CSMD2: variants seen among roughly 807,000 people sequenced by gnomAD.
CSMD2 encodes the protein CUB and Sushi multiple domains 2.
In CSMD2, 130 loss-of-function variants were observed where a neutral mutation model predicts 398.5. The ratio of observed to expected loss-of-function variants is 0.33; its 90% CI spans 0.28 to 0.38. CSMD2 has a LOEUF of 0.38. Among genes scored for constraint, CSMD2 ranks in the 10% least tolerant of loss-of-function variants. The probability of loss-of-function intolerance (pLI) is 1.00; values close to 1 mark genes in which losing one functional copy is unlikely to be tolerated. For synonymous variants in CSMD2, 1,828 were observed against 1,908.5 expected, an observed-to-expected ratio of 0.96 and a Z score of 1.10; for missense variants, 3,829 against 4,764.9, an observed-to-expected ratio of 0.80 and a Z score of 5.78.
chr1:33,537,846 C>T lies in CSMD2; in HGVS notation c.9632-237G>A, dbSNP rs1209435420. Among the ~76,000 whole-genome samples, 2 of 152,220 alleles carry T rather than the reference C, an allele frequency of 1.3e-5. No individual in the cohort carries two copies. Among genetic ancestry groups the T allele is most frequent in the African/African-American group, 4.8e-5 (2 of 41,448 alleles). On this transcript the variant is annotated intron_variant, in intron 60 of 70. Coordinates refer to ENST00000373381, the MANE Select transcript of CSMD2 (RefSeq NM_001281956.2). The surrounding 1 kb of genome is among the most constrained non-coding windows in gnomAD (Gnocchi z 4.6). The stretch of plus-strand genomic sequence containing the variant: ...AATAATGATCCAAGTAATGGAGTAA[C>T]ATTACAGGAAGTTTAGAACATGAAA...
At chr1:33,675,272 G>A (rs1343937479) in intron 25 of CSMD2, among the ~76,000 whole-genome samples, 2 of 151,928 alleles carry the variant, frequency 1.3e-5, no homozygotes, top group African/African-American at 2.4e-5. Context: ...AATGATAAAG[G>A]GGATATCACC....
intron 3 of CSMD2, among the ~76,000 whole-genome samples, chr1:34,031,902 G>A (rs1190039744): frequency 2.0e-5 from 3 of 151,870 alleles, no homozygotes; most frequent in Non-Finnish European, 4.4e-5. Flanking sequence ...TAACAGTGCA[G>A]GTCTTAGCCA....
At chr1:33,639,164 G>T (rs1271319048) in intron 29 of CSMD2, among the ~76,000 whole-genome samples, 2 of 152,174 alleles carry the variant, frequency 1.3e-5, no homozygotes, top group African/African-American at 2.4e-5. Context: ...ATCTTGGATC[G>T]GAGATAACGT....
At chr1:33,676,490 C>A (rs1278750127) in intron 25 of CSMD2, among the ~76,000 whole-genome samples, 1 of 152,218 alleles carries the variant, frequency 6.6e-6, no homozygotes, top group East Asian at 1.9e-4. Context: ...ACATTCCATG[C>A]TCATGGGTAG....
intron 11 of CSMD2, among the ~76,000 whole-genome samples, chr1:33,791,089 A>C (rs74817145): frequency 0.022 from 3,333 of 152,214 alleles, 121 homozygotes; most frequent in African/African-American, 0.077. Flanking sequence ...ACACCCAGAA[A>C]AGAACAGCCT....
At chr1:33,853,128 C>T (rs755924673) in intron 5 of CSMD2, among the ~76,000 whole-genome samples, 35 of 152,292 alleles carry the variant, frequency 2.3e-4, no homozygotes, top group Non-Finnish European at 4.6e-4. Context: ...CATTTATTTG[C>T]CAATCAGTTT....
At chr1:33,881,090 A>G (rs1641206620) in intron 5 of CSMD2, among the ~76,000 whole-genome samples, 2 of 152,212 alleles carry the variant, frequency 1.3e-5, no homozygotes, top group Non-Finnish European at 2.9e-5. Context: ...TGTACCCATA[A>G]GCAACACATT....
chr1:33,990,486 C>A (rs1037289663), intron 3 of CSMD2, among the ~76,000 whole-genome samples: 1 of 152,068 alleles, frequency 6.6e-6, no homozygotes, highest in African/African-American at 2.4e-5. Flanking sequence ...ATTACTCTCC[C>A]CTCACCCCAC....
rs1419268594 is a variant in CSMD2, at chr1:33,792,417, AC to A, written c.1550+5del. The A allele has an allele frequency of 1.2e-6, 2 of 1,606,398 alleles. No homozygotes were observed. Among genetic ancestry groups the A allele is most frequent in the African/African-American group, 2.7e-5 (2 of 74,658 alleles). ...CCTTCCAAACAACATGCCCCACTGC[AC>A]TTACATGTAGAGAACTGTCTTCTGG... On this transcript the variant is annotated splice_donor_5th_base_variant and intron_variant, in intron 11 of 70. Coordinates refer to ENST00000373381, the MANE Select transcript of CSMD2 (RefSeq NM_001281956.2).
intron 3 of CSMD2, among the ~76,000 whole-genome samples, chr1:34,000,709 T>C (rs779631386): frequency 8.9e-4 from 135 of 152,126 alleles, no homozygotes; most frequent in Non-Finnish European, 1.5e-3. Flanking sequence ...ATGGAACACA[T>C]AGACCTCAGA....
intron 1 of CSMD2, among the ~76,000 whole-genome samples, chr1:34,095,579 T>C (rs1463651468): frequency 3.3e-5 from 5 of 151,876 alleles, no homozygotes; most frequent in African/African-American, 1.2e-4. Flanking sequence ...AAAGGGGATA[T>C]CACCACTGAT....
At chr1:34,054,783 T>C (rs879425183) in intron 2 of CSMD2, among the ~76,000 whole-genome samples, 3 of 152,164 alleles carry the variant, frequency 2.0e-5, no homozygotes, top group Non-Finnish European at 4.4e-5. Flanking sequence ...TCAAACATTA[T>C]TGGAGCTGGT....
At chr1:33,706,210 T>C (rs946959119) in intron 22 of CSMD2, among the ~76,000 whole-genome samples, 3 of 152,200 alleles carry the variant, frequency 2.0e-5, no homozygotes, top group Non-Finnish European at 2.9e-5. Flanking sequence ...ATTCGTGCTA[T>C]GTTATTTGGC....
intron 55 of CSMD2, among the ~76,000 whole-genome samples, chr1:33,554,778 C>T (rs544383721): frequency 6.6e-6 from 1 of 152,264 alleles, no homozygotes; most frequent in African/African-American, 2.4e-5. Context: ...TTGAGACCTA[C>T]TGCTCAGAAA....
chr1:33,939,863 G>T (rs140010195), intron 3 of CSMD2, among the ~76,000 whole-genome samples: 84 of 152,298 alleles, frequency 5.5e-4, no homozygotes, highest in African/African-American at 1.9e-3. Context: ...TCAAATCCCC[G>T]ATCTGGCTGC....
chr1:34,087,612 T>TATAATA (rs71717621), intron 2 of CSMD2, among the ~76,000 whole-genome samples: 8,441 of 138,218 alleles, frequency 0.061, 293 homozygotes, highest in Non-Finnish European at 0.07. Context: ...GAACTTAAAG[T>TATAATA]ATAATAATAA....
At chr1:33,659,568 A>G (rs1488877778) in intron 26 of CSMD2, among the ~76,000 whole-genome samples, 1 of 152,234 alleles carries the variant, frequency 6.6e-6, no homozygotes, top group East Asian at 1.9e-4. Flanking sequence ...ACAAGGTAAA[A>G]TTCATATTAG....
intron 3 of CSMD2, among the ~76,000 whole-genome samples, chr1:33,962,903 C>G (rs1044213254): frequency 2.6e-5 from 4 of 152,200 alleles, no homozygotes; most frequent in Non-Finnish European, 5.9e-5. Context: ...TTTATTTTCT[C>G]TGGAATGCAA....
chr1:33,721,244 G>A (rs546380264), intron 19 of CSMD2, among the ~76,000 whole-genome samples: 1 of 152,120 alleles, frequency 6.6e-6, no homozygotes. Context: ...TCACATATTG[G>A]TCATGCTATA....
Sources: gnomAD v4.1 joint callset for allele counts (sites outside exome capture counted in the v4.1 genomes callset) on GRCh38, gnomAD v4.1.1 for gene constraint, Gnocchi (gnomAD v3.1) non-coding constraint, MANE v1.5 for transcripts, NCBI Gene and HGNC (gene_info 2026-07-23, HGNC 2026-07-21) for gene names.